Variants in VPS13C observed in about 807,000 individuals in gnomAD.
VPS13C encodes vacuolar protein sorting 13 homolog C.
A neutral mutation model predicts 456.8 loss-of-function variants in VPS13C; 358 were observed. The ratio of observed to expected loss-of-function variants is 0.78; its 90% CI spans 0.72 to 0.86. VPS13C has a LOEUF of 0.86. Among genes scored for constraint, VPS13C ranks in the 40% least tolerant of loss-of-function variants. The pLI, the probability that VPS13C is intolerant of heterozygous loss-of-function variation, is 0.00. For missense variants in VPS13C, 4,818 were observed against 4,385.4 expected, an observed-to-expected ratio of 1.10 and a Z score of -2.79; for synonymous variants, 1,578 against 1,486.7, an observed-to-expected ratio of 1.06 and a Z score of -1.41.
At chr15:61,974,764 C>T (rs1300470778) in intron 24 of VPS13C, among the ~76,000 whole-genome samples, 1 of 152,176 alleles carries the variant, frequency 6.6e-6, no homozygotes, top group Non-Finnish European at 1.5e-5. Flanking sequence ...AACCTCATCA[C>T]TTTCTATCCC....
At chr15:61,989,091 A>G (rs1345043618) in intron 18 of VPS13C, among the ~76,000 whole-genome samples, 1 of 152,106 alleles carries the variant, frequency 6.6e-6, no homozygotes, top group Non-Finnish European at 1.5e-5. Flanking sequence ...AAAAGATATT[A>G]TTAATGAATG....
chr15:62,010,521 T>A lies in VPS13C; in HGVS notation c.962A>T (p.Asp321Val). 6.2e-7 allele frequency: 1 copy of A among 1,613,492 alleles called. No homozygotes were observed. ...AESELKTPKL[D>V]CNIEIQNIAI... ...AATATTTTGTATTTCTATGTTGCAA[T>A]CCAGTTTGGGCGTTTTGAGCTCTGA... The change falls in exon 13 of 85, where the codon GAT becomes GTT. Residue 321 changes from aspartate (D) to valine (V), a missense_variant. Physicochemically the swap from Asp to Val is radical, Grantham distance 152 (BLOSUM62 -3). Coordinates refer to ENST00000644861, the MANE Select transcript of VPS13C (RefSeq NM_020821.3).
At chr15:61,865,300 T>G in intron 81 of VPS13C, 1 of 979,946 alleles carries the variant, frequency 1.0e-6, no homozygotes, top group Non-Finnish European at 1.2e-6. Flanking sequence ...TACAGCATTA[T>G]TACTGTTAGT....
chr15:62,020,480 A>G lies in VPS13C; in HGVS notation c.683T>C (p.Leu228Pro). Residue 228 changes from leucine to proline, a missense_variant and splice_region_variant, in exon 9 of 85, where the codon CTG becomes CCG. By Grantham distance (98) the Leu-to-Pro change is moderately conservative. Transcript: ENST00000644861. ...AGTTTAAAATAAAGCAAACATTACC[A>G]GTAGACTAAGCTCTCCCAGTGTGAC... ...FGVTLGELSL[L>P]TANEHWTPCI... 6.2e-7 allele frequency: 1 copy of G among 1,610,038 alleles called. No homozygotes were observed. The highest frequency in any genetic ancestry group is 8.5e-7 in the Non-Finnish European group (1 of 1,177,878).
chr15:61,934,438 C>A, intron 48 of VPS13C, 107 bp from the exon 49 acceptor site: 1 of 555,514 alleles, frequency 1.8e-6, no homozygotes, highest in South Asian at 5.4e-5. Context: ...TTCTGGGATT[C>A]TGTAAATCAT....
intron 37 of VPS13C, among the ~76,000 whole-genome samples, chr15:61,955,701 T>C (rs2044969069): frequency 1.3e-5 from 2 of 152,256 alleles, no homozygotes; most frequent in South Asian, 4.2e-4. Flanking sequence ...CAAAAAATAC[T>C]GATCATTTAA....
chr15:61,871,077 T>G (rs986059344), intron 79 of VPS13C, among the ~76,000 whole-genome samples: 1 of 152,174 alleles, frequency 6.6e-6, no homozygotes, highest in African/African-American at 2.4e-5. Flanking sequence ...GTCTTCATGG[T>G]TGTCCTTTGA....
At chr15:61,979,721 C>T (rs1417427957) in intron 22 of VPS13C, among the ~76,000 whole-genome samples, 2 of 152,190 alleles carry the variant, frequency 1.3e-5, no homozygotes, top group Non-Finnish European at 2.9e-5. Flanking sequence ...ACTGATTCAG[C>T]TTACACAATT....
intron 67 of VPS13C, among the ~76,000 whole-genome samples, chr15:61,889,616 G>A (rs540540882): frequency 6.6e-6 from 1 of 152,100 alleles, no homozygotes; most frequent in Non-Finnish European, 1.5e-5. Context: ...AATAGAACTG[G>A]AGAAAATAAC....
chr15:62,036,589 G>T (rs1052795908), intron 3 of VPS13C, among the ~76,000 whole-genome samples: 1 of 151,852 alleles, frequency 6.6e-6, no homozygotes, highest in Non-Finnish European at 1.5e-5. Flanking sequence ...TTTACAATAG[G>T]TACTGTTACA....
chr15:61,978,076 C>A (rs963066769), intron 23 of VPS13C, among the ~76,000 whole-genome samples: 1 of 151,732 alleles, frequency 6.6e-6, no homozygotes, highest in Non-Finnish European at 1.5e-5. Context: ...AAAATATTTA[C>A]GTAAGCATAG....
At chr15:61,937,454 G>A (rs112650960) in intron 47 of VPS13C, among the ~76,000 whole-genome samples, 6 of 152,136 alleles carry the variant, frequency 3.9e-5, no homozygotes, top group African/African-American at 1.4e-4. Flanking sequence ...GTTTCTTAAC[G>A]TCCTTAACTC....
chr15:61,854,961 CAAAAG>C lies in VPS13C; in HGVS notation c.11077-12_11077-8del, dbSNP rs756732787. 4 of 1,579,170 alleles carry C rather than the reference CAAAAG, an allele frequency of 2.5e-6. No individual in the cohort carries two copies. In the African/African-American group the frequency reaches 5.5e-5, roughly 22 times the overall value. ...TGTGGAACAGACCCTGTTCCTGTTT[CAAAAG>C]AAACAATGACAGAAAAGAAATTATT... On this transcript the variant is annotated splice_region_variant and splice_polypyrimidine_tract_variant and intron_variant, in intron 83 of 84. Transcript: ENST00000644861.
chr15:62,054,019 T>A (rs1174124531), intron 1 of VPS13C, among the ~76,000 whole-genome samples: 1 of 152,208 alleles, frequency 6.6e-6, no homozygotes, highest in African/African-American at 2.4e-5. Context: ...ACTGGAGGAT[T>A]TTCCTGCTGA....
At chr15:61,964,631 G>A in intron 31 of VPS13C, 68 bp downstream of exon 31, 1 of 1,426,930 alleles carries the variant, frequency 7.0e-7, no homozygotes, top group Non-Finnish European at 9.5e-7. Flanking sequence ...ATAGTCTCTA[G>A]TATTCCTCAT....
intron 78 of VPS13C, 145 bp downstream of exon 78, chr15:61,873,101 A>C: frequency 3.9e-6 from 5 of 1,296,500 alleles, no homozygotes; most frequent in Non-Finnish European, 4.2e-6. Context: ...GGGGAGCAAA[A>C]AGGAAACTGG....
chr15:62,017,469 G>GT (rs745603502), intron 9 of VPS13C, among the ~76,000 whole-genome samples: 4 of 152,118 alleles, frequency 2.6e-5, no homozygotes, highest in Non-Finnish European at 4.4e-5. Context: ...TGTATAAGGT[G>GT]TAAGGAAGGG....
At chr15:61,864,213 C>T in intron 81 of VPS13C, 1 of 574,592 alleles carries the variant, frequency 1.7e-6, no homozygotes, top group Non-Finnish European at 2.2e-6. Flanking sequence ...GAAAATATGA[C>T]AATATTAATA....
At chr15:62,036,773 G>A (rs928574963) in intron 3 of VPS13C, among the ~76,000 whole-genome samples, 1 of 151,628 alleles carries the variant, frequency 6.6e-6, no homozygotes, top group African/African-American at 2.4e-5. Flanking sequence ...TCTCAGAAAG[G>A]TCCTAGAATT....
Sources: gnomAD v4.1 joint callset for allele counts (sites outside exome capture counted in the v4.1 genomes callset) on GRCh38, gnomAD v4.1.1 for gene constraint, MANE v1.5 for transcripts, NCBI Gene and HGNC (gene_info 2026-07-23, HGNC 2026-07-21) for gene names.